PRRC2B: variants seen among roughly 807,000 people sequenced by gnomAD.
PRRC2B encodes the protein protein PRRC2B.
A neutral mutation model predicts 242.3 loss-of-function variants in PRRC2B; 68 were observed. That is an observed-to-expected ratio of 0.28 (90% CI 0.23 to 0.34). The LOEUF is 0.34. Among genes scored for constraint, PRRC2B ranks in the 10% least tolerant of loss-of-function variants. PRRC2B has a pLI of 1.00. For missense variants in PRRC2B, 2,835 were observed against 2,954.8 expected (o/e 0.96, Z 0.94); for synonymous variants, 1,228 against 1,173.6 (o/e 1.05, Z -0.95).
At chr9:131,457,291 A>G (rs1010808710) in intron 10 of PRRC2B, among the ~76,000 whole-genome samples, 1 of 152,230 alleles carries the variant, frequency 6.6e-6, no homozygotes, top group East Asian at 1.9e-4. Flanking sequence ...AAGAATTAAA[A>G]TCAAAGGCAA....
chr9:131,490,030 T>C (rs1339153238), intron 28 of PRRC2B, among the ~76,000 whole-genome samples: 1 of 152,140 alleles, frequency 6.6e-6, no homozygotes, highest in Non-Finnish European at 1.5e-5. Context: ...TCTAAATTCC[T>C]TCATCTTCTC....
intron 6 of PRRC2B, 104 bp downstream of exon 6, chr9:131,444,432 C>G: frequency 2.4e-6 from 3 of 1,260,710 alleles, no homozygotes; most frequent in Non-Finnish European, 3.2e-6. Flanking sequence ...GTCTCCGGTT[C>G]GAGCTGGAAA....
intron 1 of PRRC2B, among the ~76,000 whole-genome samples, chr9:131,400,300 T>TGGTCTCGAACCCCTGACTTCAG: frequency 6.6e-6 from 1 of 152,060 alleles, no homozygotes; most frequent in East Asian, 1.9e-4. Context: ...TTGCCCAGGC[T>TGGTCTCGAACCCCTGACTTCAG]GTTTGTTTTT....
intron 13 of PRRC2B, among the ~76,000 whole-genome samples, chr9:131,469,550 G>A (rs1943483488): frequency 6.6e-6 from 1 of 152,140 alleles, no homozygotes; most frequent in Non-Finnish European, 1.5e-5. Flanking sequence ...CACTGGGAGT[G>A]CCAACAGAAC....
intron 1 of PRRC2B, among the ~76,000 whole-genome samples, chr9:131,416,012 C>T (rs1837638132): frequency 6.6e-6 from 1 of 151,586 alleles, no homozygotes; most frequent in Non-Finnish European, 1.5e-5. Context: ...CTGGGTTAAT[C>T]CTTTGATTTT....
intron 6 of PRRC2B, 35 bp downstream of exon 6, chr9:131,444,363 T>A: frequency 6.3e-7 from 1 of 1,596,474 alleles, no homozygotes; most frequent in South Asian, 1.1e-5. Flanking sequence ...CTCGATGGAG[T>A]AACAGAACTT....
At position 131,402,062 on chromosome 9, in the gene PRRC2B, C is replaced by A. The variant is rs186198821; in HGVS notation, c.-52+7799C>A. Reference sequence around the variant, plus strand: ...CTCGGCTCACTGCACCTCTACCTCCCGGGTTCAAGCGATTCTCCTGCCTCA... The same window carrying A: ...CTCGGCTCACTGCACCTCTACCTCCAGGGTTCAAGCGATTCTCCTGCCTCA... On this transcript the variant is annotated intron_variant, in intron 1 of 31. Transcript: ENST00000683519. Among the ~76,000 whole-genome samples the A allele has an allele frequency of 2.7e-5, 4 of 150,368 alleles. No individual in the cohort carries two copies. The East Asian group carries it at 7.9e-4, about 30-fold the overall frequency.
At chr9:131,408,020 G>T (rs996028858) in intron 1 of PRRC2B, among the ~76,000 whole-genome samples, 1 of 152,134 alleles carries the variant, frequency 6.6e-6, no homozygotes, top group East Asian at 1.9e-4. Context: ...GGAGTCCTTC[G>T]GTGCTTCTGG....
At position 131,486,096 on chromosome 9, in the gene PRRC2B, C is replaced by T. The variant is rs201015527; in HGVS notation, c.5770C>T (p.Pro1924Ser). The T allele has an allele frequency of 5.0e-4, 800 of 1,612,022 alleles. 3 individuals are homozygous for T. In the African/African-American group the frequency reaches 9.7e-3, roughly 20 times the overall value. ...PSASMPGSHL[P>S]PLYLDGHVFA... ...CGCTCTGTTTCCAGGCAGCCACCTC[C>T]CGCCCCTGTACCTGGATGGCCATGT... The change falls in exon 26 of 32, where the codon CCG becomes TCG. Residue 1924 changes from proline to serine, a missense_variant. By Grantham distance (74) the Pro-to-Ser change is moderately conservative (BLOSUM62 -1). This residue lies in a region of PRRC2B where 574 missense variants were observed against 626.0 expected (regional missense o/e 0.92). Transcript: ENST00000683519.
At chr9:131,380,859 C>T (rs1836749057) in intron 1 of PRRC2B, among the ~76,000 whole-genome samples, 1 of 119,358 alleles carries the variant, frequency 8.4e-6, no homozygotes, top group Non-Finnish European at 1.7e-5. Flanking sequence ...GCCCGGGTGA[C>T]AGTGTGACAG....
chr9:131,478,038 T>A, intron 17 of PRRC2B, 89 bp downstream of exon 17: 1 of 1,193,560 alleles, frequency 8.4e-7, no homozygotes, highest in Non-Finnish European at 1.2e-6. Context: ...GCCCTTGCAC[T>A]GAGTACCTTA....
rs775504042 is a variant in PRRC2B, at chr9:131,475,947, A to T, written c.3818A>T (p.Asp1273Val). The stretch of plus-strand genomic sequence containing the variant: ...GCATTTGGTGGCCGGGGCTTTGAGG[A>T]CAGCCGCGCGGAGGACAAGAGATCC... ...PDAFGGRGFE[D>V]SRAEDKRSFF... Residue 1273 changes from aspartate to valine, a missense_variant, in exon 16 of 32, where the codon GAC becomes GTC. Physicochemically the swap from Asp to Val is radical, Grantham distance 152. This residue lies in a region of PRRC2B where 1,536 missense variants were observed against 1,483.1 expected (regional missense o/e 1.04). Coordinates refer to ENST00000683519, the MANE Select transcript of PRRC2B (RefSeq NM_013318.4). 3.7e-5 allele frequency: 59 copies of T among 1,613,654 alleles called. No homozygotes were observed. Among genetic ancestry groups the T allele is most frequent in the Middle Eastern group, 3.3e-4 (2 of 6,082 alleles).
At chr9:131,485,739 G>A in intron 25 of PRRC2B, 1 of 585,000 alleles carries the variant, frequency 1.7e-6, no homozygotes, top group Non-Finnish European at 3.3e-6. Flanking sequence ...GAAGAGGACA[G>A]TGACTGAGAG....
intron 2 of PRRC2B, among the ~76,000 whole-genome samples, chr9:131,431,358 C>A (rs1838164778): frequency 6.6e-6 from 1 of 151,730 alleles, no homozygotes; most frequent in African/African-American, 2.4e-5. Context: ...TCTTGATCTC[C>A]TGACCTCGTG....
At chr9:131,490,516 T>A in intron 28 of PRRC2B, 1 of 519,186 alleles carries the variant, frequency 1.9e-6, no homozygotes, top group Non-Finnish European at 3.8e-6. Context: ...TAGATCCTTC[T>A]GACCCTCCAC....
In PRRC2B at chr9:131,483,398, C is replaced by G. The variant is rs144475187; in HGVS notation, c.5413C>G (p.Pro1805Ala). ...FSLPPGSASG[P>A]TGSPVVKLQD... is the part of the protein sequence containing the mutation. ...CTTGCCACCTGGTTCTGCCTCTGGT[C>G]CTACTGGGAGTCCAGTTGTTAAACT... The change falls in exon 23 of 32, where the codon CCT becomes GCT. Residue 1805 changes from proline to alanine, a missense_variant. Around this residue, in one of 7 missense-constraint regions of PRRC2B, gnomAD observed 574 missense variants for 626.0 expected, o/e 0.92. Coordinates refer to ENST00000683519, the MANE Select transcript of PRRC2B (RefSeq NM_013318.4). 3 of 1,613,924 alleles carry G rather than the reference C, an allele frequency of 1.9e-6. No homozygotes were observed. The highest frequency in any genetic ancestry group is 2.5e-6 in the Non-Finnish European group (3 of 1,179,884).
chr9:131,443,771 G>A (rs1320557725), intron 5 of PRRC2B, among the ~76,000 whole-genome samples: 2 of 152,174 alleles, frequency 1.3e-5, no homozygotes, highest in East Asian at 3.9e-4. Context: ...CTGGGGCAGG[G>A]ATGGCAGCAC....
chr9:131,393,199 AGT>A (rs1403719629), upstream of PRRC2B, among the ~76,000 whole-genome samples: 1 of 152,226 alleles, frequency 6.6e-6, no homozygotes. Flanking sequence ...GTTAGGATTA[AGT>A]GAGACAAACC....
intron 28 of PRRC2B, among the ~76,000 whole-genome samples, chr9:131,489,651 C>G (rs1944128240): frequency 6.6e-6 from 1 of 152,174 alleles, no homozygotes; most frequent in African/African-American, 2.4e-5. Context: ...CTGCCTCCCA[C>G]CCATGACCTC....
Sources: allele counts gnomAD v4.1 joint callset (sites outside exome capture counted in the v4.1 genomes callset), GRCh38; gene constraint gnomAD v4.1.1; regional missense constraint gnomAD v4.1.1; transcripts MANE v1.5; gene names NCBI Gene and HGNC (gene_info 2026-07-23, HGNC 2026-07-21).